HDHD5: variants seen among roughly 807,000 people sequenced by gnomAD.
The protein encoded by HDHD5 is haloacid dehalogenase like hydrolase domain containing 5.
A neutral mutation model predicts 35.5 loss-of-function variants in HDHD5; 34 were observed. The ratio of observed to expected loss-of-function variants is 0.96; its 90% CI spans 0.73 to 1.28. The LOEUF (loss-of-function observed/expected upper bound fraction) is 1.28, where lower values mean the gene tolerates loss of function less well. HDHD5 is among the 50% of genes most tolerant of loss of function. The probability of loss-of-function intolerance (pLI) is 0.00; values close to 1 mark genes in which losing one functional copy is unlikely to be tolerated. For synonymous variants in HDHD5, 248 were observed against 240.6 expected, an observed-to-expected ratio of 1.03 and a Z score of -0.29; for missense variants, 589 against 560.2, an observed-to-expected ratio of 1.05 and a Z score of -0.52.
At chr22:17,158,745 C>T (rs1012817489) in intron 1 of HDHD5, 2 of 156,374 alleles carry the variant, frequency 1.3e-5, no homozygotes, top group Non-Finnish European at 2.8e-5. Flanking sequence ...AGGCGCGGCT[C>T]CCGGCGCGCG....
chr22:17,153,598 T>TAAAC (rs1328627516), intron 1 of HDHD5, among the ~76,000 whole-genome samples: 2 of 152,226 alleles, frequency 1.3e-5, no homozygotes, highest in African/African-American at 2.4e-5. Flanking sequence ...AAATCCCCTT[T>TAAAC]AAACACTACA....
chr22:17,151,852 T>TA (rs959343902), intron 1 of HDHD5, among the ~76,000 whole-genome samples: 2 of 152,098 alleles, frequency 1.3e-5, no homozygotes, highest in Admixed American at 6.5e-5. Context: ...AAGCAAACTC[T>TA]AAAACAGCAG....
At position 17,159,186 on chromosome 22, in the gene HDHD5, G is replaced by GCGCGCCGCC; in HGVS notation, c.57_65dup (p.Arg22_Ala24dup). 1 of 1,213,962 alleles carries GCGCGCCGCC rather than the reference G, an allele frequency of 8.2e-7. No individual in the cohort carries two copies. Among genetic ancestry groups the GCGCGCCGCC allele is most frequent in the Non-Finnish European group, 1.0e-6 (1 of 975,728 alleles). 75.2% of individuals were successfully genotyped at this position (1,213,962 alleles called of 1,614,324 possible). A position where few individuals can be genotyped will look rare whatever the true frequency, so the allele number is the denominator to read the frequency against. ...GGCGGCCCTGGAGCCCCGCAGCCGC[G>GCGCGCCGCC]CGCGCCGCCCGCCAGCAAAGCCCAC... On this transcript the variant is annotated inframe_insertion, in exon 1 of 8. Coordinates refer to ENST00000336737, the MANE Select transcript of HDHD5 (RefSeq NM_033070.3).
chr22:17,159,790 CG>C, upstream of HDHD5: 1 of 282,356 alleles, frequency 3.5e-6, no homozygotes, highest in Non-Finnish European at 6.9e-6. Flanking sequence ...CACGTGAGTC[CG>C]CCCCCGCGCG....
At chr22:17,138,490 G>A in intron 7 of HDHD5, 60 bp downstream of exon 7, 2 of 1,567,826 alleles carry the variant, frequency 1.3e-6, no homozygotes, top group East Asian at 4.5e-5. Context: ...GGTGAGAGTA[G>A]AGGAGGAGGG....
chr22:17,147,936 C>T (rs529500320), intron 3 of HDHD5, among the ~76,000 whole-genome samples: 2 of 152,214 alleles, frequency 1.3e-5, no homozygotes, highest in East Asian at 1.9e-4. Flanking sequence ...TCAGAGTGTG[C>T]GGCAGACCGC....
chr22:17,163,984 G>A (rs375286938), upstream of HDHD5, among the ~76,000 whole-genome samples: 10 of 152,200 alleles, frequency 6.6e-5, no homozygotes, highest in Non-Finnish European at 1.3e-4. Context: ...ACTTTGGGAG[G>A]TGGAGGCGGG....
intron 1 of HDHD5, among the ~76,000 whole-genome samples, chr22:17,164,567 C>T (rs2061881036): frequency 6.6e-6 from 1 of 152,202 alleles, no homozygotes; most frequent in African/African-American, 2.4e-5. Context: ...TCTAAGATAG[C>T]TGCTCAGGCT....
intron 1 of HDHD5, among the ~76,000 whole-genome samples, chr22:17,154,323 A>G (rs2061760604): frequency 6.6e-6 from 1 of 151,474 alleles, no homozygotes; most frequent in South Asian, 2.1e-4. Flanking sequence ...TCTCTATTAA[A>G]AATACAAAAT....
At chr22:17,161,705 A>G (rs1223208100), upstream of HDHD5, among the ~76,000 whole-genome samples, 3 of 151,566 alleles carry the variant, frequency 2.0e-5, no homozygotes, top group African/African-American at 7.3e-5. Flanking sequence ...TTGTCTCCAC[A>G]AAATATATAT....
upstream of HDHD5, among the ~76,000 whole-genome samples, chr22:17,163,334 A>G (rs936779610): frequency 3.3e-5 from 5 of 152,174 alleles, no homozygotes; most frequent in Admixed American, 1.3e-4. Flanking sequence ...TTGAGCATCC[A>G]TCAGAATCAC....
At chr22:17,143,342 G>C in intron 4 of HDHD5, 1 of 505,498 alleles carries the variant, frequency 2.0e-6, no homozygotes, top group Non-Finnish European at 3.4e-6. Flanking sequence ...CCACAGAACA[G>C]GCAGGACACC....
At chr22:17,157,537 T>G (rs1264727722) in intron 1 of HDHD5, among the ~76,000 whole-genome samples, 8 of 152,208 alleles carry the variant, frequency 5.3e-5, no homozygotes, top group African/African-American at 1.9e-4. Flanking sequence ...TCATCCTGCA[T>G]TCTTCTTTTT....
chr22:17,138,334 T>C lies in HDHD5; in HGVS notation c.959A>G (p.Tyr320Cys), dbSNP rs1244480086. 1 of 1,613,726 alleles carries C rather than the reference T, an allele frequency of 6.2e-7. No individual in the cohort carries two copies. Among genetic ancestry groups the C allele is most frequent in the Non-Finnish European group, 8.5e-7 (1 of 1,179,896 alleles). Residue 320 changes from tyrosine (Y) to cysteine (C), a missense_variant, in exon 8 of 8, where the codon TAC (tyrosine) becomes TGC (cysteine). Tyr to Cys is a radical substitution (Grantham distance 194, BLOSUM62 -2). Coordinates refer to ENST00000336737, the MANE Select transcript of HDHD5 (RefSeq NM_033070.3). ...AVGDNPMSDV[Y>C]GANLFHQYLQ... Reference sequence around the variant, plus strand: ...GTACTGGTGGAACAGGTTGGCGCCGTATACGTCAGACATAGGGTTATCACT... The same window carrying C: ...GTACTGGTGGAACAGGTTGGCGCCGCATACGTCAGACATAGGGTTATCACT...
At chr22:17,153,895 G>A (rs2061755604) in intron 1 of HDHD5, among the ~76,000 whole-genome samples, 1 of 152,102 alleles carries the variant, frequency 6.6e-6, no homozygotes, top group Non-Finnish European at 1.5e-5. Context: ...AGGACTGGGT[G>A]ATTCCAACAC....
rs1280665527 is a variant in HDHD5, at chr22:17,137,544, ATTATT to A, written c.*472_*476del. On this transcript the variant is annotated 3_prime_UTR_variant, in exon 8 of 8. Transcript: ENST00000336737. ...GTCAGCATCATGAACATTTATTATGATTATTTTATTTAAAAAAAAAGCCCCACATC... is the reference window on the plus strand; with the variant it reads ...GTCAGCATCATGAACATTTATTATGATTATTTAAAAAAAAAGCCCCACATC... 6.5e-6 allele frequency: 1 copy of A among 154,246 alleles called. No homozygotes were observed. The highest frequency in any genetic ancestry group is 6.4e-5 in the Admixed American group (1 of 15,528). 9.6% of individuals were successfully genotyped at this position (154,246 alleles called of 1,614,324 possible). A position where few individuals can be genotyped will look rare whatever the true frequency, so the allele number is the denominator to read the frequency against.
chr22:17,139,000 T>G (rs1235478613), intron 6 of HDHD5, among the ~76,000 whole-genome samples: 3 of 152,222 alleles, frequency 2.0e-5, no homozygotes, highest in Non-Finnish European at 4.4e-5. Flanking sequence ...AGGGCAGAGC[T>G]AGGATTACAA....
intron 3 of HDHD5, among the ~76,000 whole-genome samples, chr22:17,145,878 T>C (rs2061656860): frequency 6.6e-6 from 1 of 151,912 alleles, no homozygotes; most frequent in Admixed American, 6.6e-5. Flanking sequence ...TGAACCCAAA[T>C]CATCAAGGAA....
At position 17,147,872 on chromosome 22, in the gene HDHD5, C is replaced by G. The variant is rs189772444; in HGVS notation, c.443+576G>C. Among the ~76,000 whole-genome samples, 135 of 152,384 alleles carry G rather than the reference C, an allele frequency of 8.9e-4. 1 individual carries two copies. Among genetic ancestry groups the G allele is most frequent in the African/African-American group, 3.2e-3 (131 of 41,584 alleles). ...CATGGTGTTATTCTTGCCTCCAGCA[C>G]AAGCCCTTGATTGATTCATAAGTCC... On this transcript the variant is annotated intron_variant, in intron 3 of 7. Coordinates refer to ENST00000336737, the MANE Select transcript of HDHD5 (RefSeq NM_033070.3).
Sources: allele counts gnomAD v4.1 joint callset (sites outside exome capture counted in the v4.1 genomes callset), GRCh38; gene constraint gnomAD v4.1.1; transcripts MANE v1.5; gene names NCBI Gene and HGNC (gene_info 2026-07-23, HGNC 2026-07-21).